Variants in SFXN5 observed in about 807,000 individuals in gnomAD.
SFXN5 encodes sideroflexin 5.
A neutral mutation model predicts 50.2 loss-of-function variants in SFXN5; 43 were observed. The observed-to-expected ratio is 0.86, with a 90% CI of 0.67 to 1.11. SFXN5 has a LOEUF of 1.11. SFXN5 is among the 50% of genes least tolerant of loss of function. The pLI is 0.00. For synonymous variants in SFXN5, 203 were observed against 185.8 expected (o/e 1.09, Z -0.75); for missense variants, 463 against 454.1 (o/e 1.02, Z -0.18).
At chr2:72,997,746 T>A (rs1475377317) in intron 9 of SFXN5, 2 of 152,154 alleles carry the variant, frequency 1.3e-5, no homozygotes, top group African/African-American at 4.8e-5. Flanking sequence ...CCCACCACCA[T>A]GCAGACTAAT....
intron 12 of SFXN5, among the ~76,000 whole-genome samples, chr2:72,966,189 G>A (rs909707286): frequency 4.6e-5 from 7 of 152,158 alleles, no homozygotes; most frequent in East Asian, 1.9e-4. Flanking sequence ...AGTGGTAGGC[G>A]TCCATTGTCC....
chr2:72,975,360 G>C (rs1670516203), intron 10 of SFXN5, among the ~76,000 whole-genome samples: 1 of 152,166 alleles, frequency 6.6e-6, no homozygotes. Flanking sequence ...AACTAGGGCA[G>C]GAATAGACAA....
chr2:73,007,918 G>C (rs1674928993), intron 6 of SFXN5, among the ~76,000 whole-genome samples: 1 of 152,204 alleles, frequency 6.6e-6, no homozygotes, highest in African/African-American at 2.4e-5. Context: ...CCCCAGACCG[G>C]TCAATTCTAG....
Position 72,992,489 on chromosome 2 carries a change from C to T in SFXN5, c.535-4141G>A, listed in dbSNP as rs1249179630. Among the ~76,000 whole-genome samples the T allele has an allele frequency of 6.6e-6, 1 of 152,172 alleles. No homozygotes were observed. The highest frequency in any genetic ancestry group is 1.5e-5 in the Non-Finnish European group (1 of 68,038). On this transcript the variant is annotated intron_variant, in intron 9 of 13. Transcript: ENST00000272433. This position sits in a 1 kb window ranked among gnomAD's most constrained non-coding sequence, Gnocchi z 4.5. Reference sequence around the variant, plus strand: ...CCTCTGTGTCCAAGGGCTCTAGGCACTCCAGCTTCTCGCACCCCAAATGAA... The same window carrying T: ...CCTCTGTGTCCAAGGGCTCTAGGCATTCCAGCTTCTCGCACCCCAAATGAA...
chr2:73,022,911 G>A (rs1183538912), intron 4 of SFXN5, among the ~76,000 whole-genome samples: 1 of 152,222 alleles, frequency 6.6e-6, no homozygotes, highest in African/African-American at 2.4e-5. Flanking sequence ...CCCCATTCCT[G>A]GCACATGGTA....
intron 12 of SFXN5, 111 bp downstream of exon 12, chr2:72,968,337 T>C (rs1227127633): frequency 2.2e-6 from 2 of 901,308 alleles, no homozygotes; most frequent in East Asian, 2.7e-5. Context: ...CTACACAAAC[T>C]GGGGTGGGCT....
intron 2 of SFXN5, among the ~76,000 whole-genome samples, chr2:73,054,045 C>T (rs1172688698): frequency 6.6e-6 from 1 of 152,172 alleles, no homozygotes; most frequent in East Asian, 1.9e-4. Context: ...GATGACCTTG[C>T]TAAATAACCT....
chr2:72,945,055 G>A lies in SFXN5; in HGVS notation c.990C>T (p.Ser330=), dbSNP rs1671780857. ...CCTTGTTGTACACCACTGTCCGGCT[G>A]CTCGTGGCCTGGGCTATCTCCGGCT... The part of the protein sequence containing the change: ...QLEPEIAQAT[S]SRTVVYNKGL Residue 330 remains serine, a synonymous_variant, in exon 14 of 14, where the codon AGC becomes AGT. Transcript: ENST00000272433. The surrounding 1 kb of genome is among the most constrained non-coding windows in gnomAD (Gnocchi z 5.8). 2.5e-6 allele frequency: 4 copies of A among 1,613,868 alleles called. No homozygotes were observed. The highest frequency in any genetic ancestry group is 2.7e-5 in the African/African-American group (2 of 74,930).
chr2:73,058,568 A>G lies in SFXN5; in HGVS notation c.131T>C (p.Phe44Ser). The G allele has an allele frequency of 1.2e-6, 2 of 1,614,086 alleles. No homozygotes were observed. The highest frequency in any genetic ancestry group is 8.5e-7 in the Non-Finnish European group (1 of 1,179,980). ...QTSFYGRFRH[F>S]LDIIDPRTLF... ...TGTGCGAGGGTCGATGATATCCAAG[A>G]AGTGCCTGAAGCGGCCATAGAAGGA... Residue 44 changes from phenylalanine to serine, a missense_variant, in exon 2 of 14, where the codon TTC becomes TCC. Phe to Ser is a radical substitution (Grantham distance 155, BLOSUM62 -2). Coordinates refer to ENST00000272433, the MANE Select transcript of SFXN5 (RefSeq NM_144579.3).
rs1673584353 is a variant in SFXN5 at position 72,998,968 on chromosome 2, A to G, written c.515T>C (p.Ile172Thr). The G allele has an allele frequency of 1.9e-6, 3 of 1,614,132 alleles. No individual in the cohort carries two copies. In the South Asian group the frequency reaches 3.3e-5, roughly 18 times the overall value. ...KFIQGYLGAV[I>T]SAVSIAVGLN... ...ACTCACAGCAATGGAGACGGCGCTG[A>G]TGACAGCTCCCAGGTATCCCTGGAT... is the stretch of plus-strand genomic sequence containing the variant. The change falls in exon 9 of 14, where the codon ATC (isoleucine) becomes ACC (threonine). Residue 172 changes from isoleucine to threonine, a missense_variant. By Grantham distance (89) the Ile-to-Thr change is moderately conservative (BLOSUM62 -1). Transcript: ENST00000272433.
Position 72,944,979 on chromosome 2 carries a change from T to G in SFXN5, c.*43A>C, listed in dbSNP as rs550969738. 1 of 1,588,714 alleles carries G rather than the reference T, an allele frequency of 6.3e-7. No individual in the cohort carries two copies. Among genetic ancestry groups the G allele is most frequent in the Non-Finnish European group, 8.6e-7 (1 of 1,160,654 alleles). ...TGAGTCTACGGCCCTGCCCCTCAGC[T>G]CCCCGGCTGCACAGTGCTCCGTCCC... On this transcript the variant is annotated 3_prime_UTR_variant, in exon 14 of 14. Coordinates refer to ENST00000272433, the MANE Select transcript of SFXN5 (RefSeq NM_144579.3).
chr2:73,069,630 A>C (rs1270639568), intron 1 of SFXN5, among the ~76,000 whole-genome samples: 1 of 152,236 alleles, frequency 6.6e-6, no homozygotes, highest in East Asian at 1.9e-4. Flanking sequence ...CTTCAAGAGC[A>C]GTGCCAAAAA....
rs982388884 is a variant in SFXN5, at chr2:72,960,432, C to T, written c.945+699G>A. 1.3e-5 allele frequency among the ~76,000 whole-genome samples: 2 copies of T among 152,128 alleles called. No homozygotes were observed. The highest frequency in any genetic ancestry group is 6.5e-5 in the Admixed American group (1 of 15,280). On this transcript the variant is annotated intron_variant, in intron 13 of 13. Transcript: ENST00000272433. This position sits in a 1 kb window ranked among gnomAD's most constrained non-coding sequence, Gnocchi z 6.1. ...ACTCCCTCTTTAGGGACCCACTTCT[C>T]TCCATGCCCACTGCCAACAGCCTGG...
chr2:72,988,185 T>C (rs1007180827), intron 10 of SFXN5, 73 bp downstream of exon 10: 2 of 1,402,550 alleles, frequency 1.4e-6, no homozygotes, highest in Non-Finnish European at 2.0e-6. Context: ...GGAAGGGTCA[T>C]CTGTCTCCCT....
chr2:73,047,287 T>TATATATATATATATATATACACAC (rs1680590674), intron 2 of SFXN5, among the ~76,000 whole-genome samples: 5 of 97,312 alleles, frequency 5.1e-5, no homozygotes, highest in African/African-American at 8.7e-5. Context: ...CACACATATA[T>TATATATATATATATATATACACAC]ATATATATAT....
chr2:72,966,464 C>G (rs575468716), intron 12 of SFXN5, among the ~76,000 whole-genome samples: 44 of 152,208 alleles, frequency 2.9e-4, no homozygotes, highest in Non-Finnish European at 5.7e-4. Context: ...GTCAGGGGCA[C>G]AAAAGAGCCT....
At chr2:72,972,114 C>T (rs1016731602) in intron 10 of SFXN5, among the ~76,000 whole-genome samples, 1 of 152,198 alleles carries the variant, frequency 6.6e-6, no homozygotes, top group East Asian at 1.9e-4. Flanking sequence ...CTTAAACTGT[C>T]GGTCCAACAT....
At chr2:72,956,591 GGA>G (rs1673115365) in intron 13 of SFXN5, among the ~76,000 whole-genome samples, 1 of 152,158 alleles carries the variant, frequency 6.6e-6, no homozygotes, top group Admixed American at 6.5e-5. Context: ...CAACAACTTT[GGA>G]TCTTGGACAA....
chr2:73,071,552 C>T, intron 1 of SFXN5, 52 bp downstream of exon 1: 2 of 1,553,998 alleles, frequency 1.3e-6, no homozygotes, highest in South Asian at 1.1e-5. Flanking sequence ...GGGGAGTTTG[C>T]TCGTCCTCTC....
Sources: gnomAD v4.1 joint callset for allele counts (sites outside exome capture counted in the v4.1 genomes callset) on GRCh38, gnomAD v4.1.1 for gene constraint, Gnocchi (gnomAD v3.1) non-coding constraint, MANE v1.5 for transcripts, NCBI Gene and HGNC (gene_info 2026-07-23, HGNC 2026-07-21) for gene names.